Variants in BRINP3 observed in about 807,000 individuals in gnomAD.
BRINP3 encodes the protein BMP/retinoic acid-inducible neural-specific protein 3.
Under a neutral mutation model 71.0 loss-of-function variants are expected in BRINP3, and 19 were observed. The ratio of observed to expected loss-of-function variants is 0.27; its 90% confidence interval spans 0.19 to 0.39. The LOEUF is 0.39. Among genes scored for constraint, BRINP3 ranks in the 10% least tolerant of loss-of-function variants. BRINP3 has a pLI of 1.00. For synonymous variants in BRINP3, 380 were observed against 337.7 expected (o/e 1.13, Z -1.37); for missense variants, 959 against 940.8 (o/e 1.02, Z -0.25).
At chr1:190,311,000 T>C (rs1665477524) in intron 2 of BRINP3, among the ~76,000 whole-genome samples, 1 of 151,698 alleles carries the variant, frequency 6.6e-6, no homozygotes, top group Non-Finnish European at 1.5e-5. Flanking sequence ...ATTCCCTAGA[T>C]AAATCATTAT....
intron 7 of BRINP3, among the ~76,000 whole-genome samples, chr1:190,153,610 T>C (rs1375484421): frequency 6.6e-6 from 1 of 152,202 alleles, no homozygotes; most frequent in East Asian, 1.9e-4. Context: ...TATCCTAATT[T>C]CCATACAGTT....
At chr1:190,341,883 G>T (rs531823978) in intron 2 of BRINP3, among the ~76,000 whole-genome samples, 1 of 151,814 alleles carries the variant, frequency 6.6e-6, no homozygotes, top group Non-Finnish European at 1.5e-5. Flanking sequence ...AAATTTAGTG[G>T]CTTAAACATT....
At chr1:190,222,075 T>C (rs948202554) in intron 6 of BRINP3, among the ~76,000 whole-genome samples, 1 of 151,978 alleles carries the variant, frequency 6.6e-6, no homozygotes, top group African/African-American at 2.4e-5. Flanking sequence ...GGGCCCTAGA[T>C]GACATTAACA....
intron 2 of BRINP3, among the ~76,000 whole-genome samples, chr1:190,304,416 G>A (rs1039751154): frequency 6.6e-6 from 1 of 151,598 alleles, no homozygotes. Flanking sequence ...AACTGATACT[G>A]GTATAAGAAC....
intron 2 of BRINP3, among the ~76,000 whole-genome samples, chr1:190,417,307 C>A (rs987489235): frequency 6.6e-6 from 1 of 152,002 alleles, no homozygotes; most frequent in African/African-American, 2.4e-5. Flanking sequence ...GGACTTCATT[C>A]TCCTTGAAGA....
intron 7 of BRINP3, among the ~76,000 whole-genome samples, chr1:190,119,533 A>G (rs997674474): frequency 6.6e-6 from 1 of 152,076 alleles, no homozygotes; most frequent in African/African-American, 2.4e-5. Context: ...TCAGCCTCCC[A>G]AAGTGCTGGG....
intron 3 of BRINP3, among the ~76,000 whole-genome samples, chr1:190,277,957 G>T (rs1214629766): frequency 2.0e-5 from 3 of 151,542 alleles, no homozygotes; most frequent in Non-Finnish European, 4.4e-5. Context: ...ATATATTGAA[G>T]AATGTTTTTT....
At chr1:190,234,646 G>GT (rs1658345250) in intron 4 of BRINP3, among the ~76,000 whole-genome samples, 169 bp from the exon 5 acceptor site, 1 of 152,144 alleles carries the variant, frequency 6.6e-6, no homozygotes, top group Admixed American at 6.6e-5. Flanking sequence ...GCGGAAAGCA[G>GT]TAAGTCCCTT....
chr1:190,308,410 T>A (rs990146949), intron 2 of BRINP3, among the ~76,000 whole-genome samples: 1 of 151,674 alleles, frequency 6.6e-6, no homozygotes, highest in Non-Finnish European at 1.5e-5. Flanking sequence ...AGCTTCATCC[T>A]TGTCTCCACA....
chr1:190,217,206 G>A (rs1656489276), intron 6 of BRINP3: 1 of 151,894 alleles, frequency 6.6e-6, no homozygotes. Flanking sequence ...AAATAAGCTG[G>A]TGCATTTCCT....
intron 7 of BRINP3, among the ~76,000 whole-genome samples, chr1:190,104,618 T>C (rs1249308620): frequency 1.3e-5 from 2 of 152,084 alleles, no homozygotes; most frequent in East Asian, 3.9e-4. Context: ...GCCATTTTAA[T>C]AACATGATCA....
At chr1:190,435,503 G>A (rs1674399864) in intron 2 of BRINP3, among the ~76,000 whole-genome samples, 1 of 151,776 alleles carries the variant, frequency 6.6e-6, no homozygotes, top group African/African-American at 2.4e-5. Context: ...GAACAAATTA[G>A]GAAAATATTA....
chr1:190,170,016 G>A (rs887249773), intron 6 of BRINP3, among the ~76,000 whole-genome samples: 1 of 152,020 alleles, frequency 6.6e-6, no homozygotes, highest in Non-Finnish European at 1.5e-5. Flanking sequence ...CAGAACAAAC[G>A]AAGTCTGAAA....
intron 6 of BRINP3, among the ~76,000 whole-genome samples, chr1:190,204,982 T>A (rs1655366554): frequency 9.2e-6 from 1 of 108,658 alleles, no homozygotes; most frequent in Admixed American, 8.8e-5. Context: ...ACATATCATT[T>A]CCTTTGGCAA....
At chr1:190,277,325 A>G (rs1436369642) in intron 3 of BRINP3, among the ~76,000 whole-genome samples, 1 of 150,888 alleles carries the variant, frequency 6.6e-6, no homozygotes, top group Non-Finnish European at 1.5e-5. Flanking sequence ...AGGAGATCAC[A>G]GGCTTTGTTC....
chr1:190,468,452 C>T (rs749773282), intron 1 of BRINP3, among the ~76,000 whole-genome samples: 4 of 151,042 alleles, frequency 2.6e-5, no homozygotes, highest in Non-Finnish European at 5.9e-5. Context: ...TTTGTTGTTT[C>T]GTCTTTCAAA....
intron 2 of BRINP3, among the ~76,000 whole-genome samples, chr1:190,294,483 C>A (rs984970065): frequency 1.3e-5 from 2 of 151,914 alleles, no homozygotes; most frequent in Admixed American, 1.3e-4. Context: ...AACTCTTAGG[C>A]TCAAGTGATC....
intron 2 of BRINP3, among the ~76,000 whole-genome samples, chr1:190,383,098 T>A (rs1164223199): frequency 6.6e-6 from 1 of 152,012 alleles, no homozygotes; most frequent in East Asian, 1.9e-4. Context: ...CCTGATATAT[T>A]TTTTTTCCTC....
At chr1:190,211,781 A>G (rs898460185) in intron 6 of BRINP3, among the ~76,000 whole-genome samples, 22 of 152,138 alleles carry the variant, frequency 1.4e-4, no homozygotes, top group Non-Finnish European at 4.4e-5. Context: ...TTGGCACTCC[A>G]TAGCCATCTA....
Sources: allele counts gnomAD v4.1 joint callset (sites outside exome capture counted in the v4.1 genomes callset), GRCh38; gene constraint gnomAD v4.1.1; transcripts MANE v1.5; gene names NCBI Gene and HGNC (gene_info 2026-07-23, HGNC 2026-07-21).